The following KRT20 variants were observed in gnomAD, a reference collection of about 807,000 sequenced individuals.
KRT20 encodes keratin 20, also known as keratin, type I cytoskeletal 20.
In KRT20, 41 loss-of-function variants were observed where a neutral mutation model predicts 43.0. The ratio of observed to expected loss-of-function variants is 0.95; its 90% CI spans 0.74 to 1.24. The LOEUF (loss-of-function observed/expected upper bound fraction) is 1.24. Among genes scored for constraint, KRT20 ranks in the 50% most tolerant of loss-of-function variants. The pLI is 0.00. For missense variants in KRT20, 533 were observed against 521.2 expected (o/e 1.02, Z -0.22); for synonymous variants, 207 against 200.6 (o/e 1.03, Z -0.27).
At position 40,880,616 on chromosome 17, in the gene KRT20, C is replaced by T. The variant is rs1907553990; in HGVS notation, c.628G>A (p.Glu210Lys). The T allele has an allele frequency of 6.2e-7, 1 of 1,612,596 alleles. No homozygotes were observed. Among genetic ancestry groups the T allele is most frequent in the Non-Finnish European group, 8.5e-7 (1 of 1,179,396 alleles). Residue 210 changes from glutamate to lysine, a missense_variant and splice_region_variant, in exon 3 of 8, where the codon GAG becomes AAG. Transcript: ENST00000167588. The part of the protein sequence containing the change: ...DLALLKKEHQ[E>K]EVDGLHKHLG... The stretch of plus-strand genomic sequence containing the variant: ...ACCACTTCTGAATATTTTCTCACCT[C>T]CTGATGCTCCTTTTTGAGGAGAGCT...
chr17:40,878,208 A>G lies in KRT20; in HGVS notation c.1076T>C (p.Ile359Thr), dbSNP rs760113505. Residue 359 changes from isoleucine to threonine, a missense_variant, in exon 6 of 8, where the codon ATA (isoleucine) becomes ACA (threonine). Ile to Thr is a moderately conservative substitution (Grantham distance 89). Coordinates refer to ENST00000167588, the MANE Select transcript of KRT20 (RefSeq NM_019010.3). The stretch of plus-strand genomic sequence containing the variant: ...AATTTCCTGTTCAAGTCGAGTCTTT[A>G]TGTCAAGAAGGATATGGTATTCGTT... ...QNNEYHILLDIKTRLEQEIAT... is the reference protein window; with the variant it reads ...QNNEYHILLDTKTRLEQEIAT... 6.2e-7 allele frequency: 1 copy of G among 1,614,042 alleles called. No homozygotes were observed. The highest frequency in any genetic ancestry group is 1.1e-5 in the South Asian group (1 of 91,070).
Position 40,880,761 on chromosome 17 carries a change from A to G in KRT20, c.483T>C (p.Thr161=), listed in dbSNP as rs750189057. The G allele has an allele frequency of 3.4e-5, 52 of 1,543,722 alleles. 1 individual carries two copies. The highest frequency in any genetic ancestry group is 4.3e-5 in the Non-Finnish European group (49 of 1,146,728). ...AAEDFRLKYE[T]ERGIRLTVEA... Reference sequence around the variant, plus strand: ...CCACTGTTAGACGTATTCCTCTCTCAGTCTCATACCTGTGAATTAATTAGT... The same window carrying G: ...CCACTGTTAGACGTATTCCTCTCTCGGTCTCATACCTGTGAATTAATTAGT... Residue 161 remains threonine, a synonymous_variant, in exon 3 of 8, where the codon ACT becomes ACC. Coordinates refer to ENST00000167588, the MANE Select transcript of KRT20 (RefSeq NM_019010.3).
At chr17:40,877,009 C>G (rs2107215) in intron 7 of KRT20, among the ~76,000 whole-genome samples, 13,935 of 152,170 alleles carry the variant, frequency 0.092, 712 homozygotes, top group African/African-American at 0.11. Flanking sequence ...GCTCTTCTCT[C>G]ATGGATGGAT....
intron 2 of KRT20, among the ~76,000 whole-genome samples, chr17:40,881,669 T>C (rs1022348899): frequency 1.3e-5 from 2 of 152,230 alleles, no homozygotes; most frequent in African/African-American, 4.8e-5. Context: ...TTTGATTTCC[T>C]ATTTCCTTCT....
At position 40,880,221 on chromosome 17, in the gene KRT20, T is replaced by C. The variant is rs1907536741; in HGVS notation, c.671A>G (p.Asn224Ser). The C allele has an allele frequency of 6.2e-7, 1 of 1,613,520 alleles. No individual in the cohort carries two copies. Among genetic ancestry groups the C allele is most frequent in the African/African-American group, 1.3e-5 (1 of 74,878 alleles). Reference sequence around the variant, plus strand: ...GCCTGGAGCAGCATCAACCTCCACATTGACAGTGTTGCCCAGATGCTTGTG... The same window carrying C: ...GCCTGGAGCAGCATCAACCTCCACACTGACAGTGTTGCCCAGATGCTTGTG... ...GLHKHLGNTV[N>S]VEVDAAPGLN... Residue 224 changes from asparagine (N) to serine (S), a missense_variant, in exon 4 of 8, where the codon AAT (asparagine) becomes AGT (serine). Transcript: ENST00000167588.
Position 40,884,835 on chromosome 17 carries a change from G to T in KRT20, c.351C>A (p.Tyr117Ter), listed in dbSNP as rs1397780760. The change falls in exon 1 of 8, where the codon TAC becomes TAA. Residue 117 changes from tyrosine to a stop codon, truncating the protein, a stop_gained. Transcript: ENST00000167588. LOFTEE classifies it high-confidence loss of function. ...CTTCAATTTGTCTGTAATATGCACT[G>T]TAGTCGCGACCAGCCCTCGGGGCGT... ...ETNAPRAGRD[Y>*]SAYYRQIEEL... is the part of the protein sequence containing the mutation. 22 of 1,614,054 alleles carry T rather than the reference G, an allele frequency of 1.4e-5. No homozygotes were observed. Among genetic ancestry groups the T allele is most frequent in the Non-Finnish European group, 1.9e-5 (22 of 1,180,050 alleles).
At chr17:40,881,631 A>C (rs1907602591) in intron 2 of KRT20, among the ~76,000 whole-genome samples, 1 of 152,170 alleles carries the variant, frequency 6.6e-6, no homozygotes, top group Non-Finnish European at 1.5e-5. Context: ...ATTGGAAGTA[A>C]TGCACCTTTA....
In KRT20 at chr17:40,875,920, C is replaced by T. The variant is rs750916148; in HGVS notation, c.*441G>A. 5 of 153,108 alleles carry T rather than the reference C, an allele frequency of 3.3e-5. No homozygotes were observed. Among genetic ancestry groups the T allele is most frequent in the Non-Finnish European group, 7.3e-5 (5 of 68,684 alleles). The allele number at this position is 153,108 out of a possible 1,614,324, so 9.5% of individuals were successfully genotyped here. A position where few individuals can be genotyped will look rare whatever the true frequency, so the allele number is the denominator to read the frequency against. On this transcript the variant is annotated 3_prime_UTR_variant, in exon 8 of 8. Transcript: ENST00000167588. ...AATTGGCTCAATAAGAAACCAGGGA[C>T]TCCCAAAGGGGGTTTTACAATTCAG...
chr17:40,876,373 T>C lies in KRT20; in HGVS notation c.1263A>G (p.Glu421=). The change falls in exon 8 of 8, where the codon GAA becomes GAG. Residue 421 remains glutamate (E), a synonymous_variant. Transcript: ENST00000167588. ...KVVSSEVKEV[E]ENI The stretch of plus-strand genomic sequence containing the variant: ...TTCTGGTAGCTATTTAGATATTTTC[T>C]TCCACCTCTTTGACTTCAGATGACA... 6.2e-7 allele frequency: 1 copy of C among 1,607,942 alleles called. No individual in the cohort carries two copies. Among genetic ancestry groups the C allele is most frequent in the South Asian group, 1.1e-5 (1 of 90,942 alleles).
At chr17:40,880,372 A>C (rs1049950333) in intron 3 of KRT20, 111 bp from the exon 4 acceptor site, 9 of 1,053,234 alleles carry the variant, frequency 8.5e-6, no homozygotes, top group Non-Finnish European at 1.2e-5. Flanking sequence ...AATAAGTAAA[A>C]AAGATATAAA....
chr17:40,878,790 C>A (rs1332786061), intron 5 of KRT20, among the ~76,000 whole-genome samples: 1 of 145,390 alleles, frequency 6.9e-6, no homozygotes, highest in Non-Finnish European at 1.5e-5. Context: ...GTCAAACTGA[C>A]AAATGCCTTT....
At chr17:40,878,434 T>C (rs1025165460) in intron 5 of KRT20, 69 bp from the exon 6 acceptor site, 1 of 1,186,196 alleles carries the variant, frequency 8.4e-7, no homozygotes, top group African/African-American at 1.5e-5. Context: ...TTAATTTTAA[T>C]TTCCTTTGAG....
intron 3 of KRT20, 73 bp downstream of exon 3, chr17:40,880,541 C>G: frequency 7.5e-7 from 1 of 1,339,668 alleles, no homozygotes; most frequent in Non-Finnish European, 1.0e-6. Context: ...CCTGTTTCTC[C>G]CGCTCCTCCT....
At position 40,882,558 on chromosome 17, in the gene KRT20, A is replaced by G. The variant is rs753820643; in HGVS notation, c.473+14T>C. ...TCTTTTTCAGAAACTTTTGCCACGT[A>G]TTAGGGAACCTACTTCAGTCTGAAG... On this transcript the variant is annotated intron_variant, in intron 2 of 7. Transcript: ENST00000167588. The G allele has an allele frequency of 8.7e-6, 13 of 1,502,228 alleles. No individual in the cohort carries two copies. The East Asian group carries it at 1.7e-4, about 19-fold the overall frequency. 93.1% of individuals were successfully genotyped at this position (1,502,228 alleles called of 1,614,324 possible).
chr17:40,880,097 T>C lies in KRT20; in HGVS notation c.792+3A>G, dbSNP rs138816645. The C allele has an allele frequency of 4.5e-5, 73 of 1,611,468 alleles. No individual in the cohort carries two copies. In the African/African-American group the frequency reaches 9.2e-4, roughly 20 times the overall value. On this transcript the variant is annotated splice_donor_region_variant and intron_variant, in intron 4 of 7. Coordinates refer to ENST00000167588, the MANE Select transcript of KRT20 (RefSeq NM_019010.3). ...TGCTCACCCTTTAGAATTGTGTGGT[T>C]ACCTGTCTCTCAAACTGTTCTTTGG...
At position 40,876,257 on chromosome 17, in the gene KRT20, G is replaced by A; in HGVS notation, c.*104C>T. ...CCCCACCCCTTCTAATCACTGCAGAGTATTAATAGTGCTTTCTTATGGCTG... is the reference window on the plus strand; with the variant it reads ...CCCCACCCCTTCTAATCACTGCAGAATATTAATAGTGCTTTCTTATGGCTG... On this transcript the variant is annotated 3_prime_UTR_variant, in exon 8 of 8. Coordinates refer to ENST00000167588, the MANE Select transcript of KRT20 (RefSeq NM_019010.3). The A allele has an allele frequency of 1.3e-6, 1 of 757,564 alleles. No individual in the cohort carries two copies. Among genetic ancestry groups the A allele is most frequent in the Non-Finnish European group, 2.4e-6 (1 of 419,654 alleles). 46.9% of individuals were successfully genotyped at this position (757,564 alleles called of 1,614,324 possible).
intron 1 of KRT20, among the ~76,000 whole-genome samples, chr17:40,884,247 T>A (rs1298691425): frequency 1.3e-5 from 2 of 152,190 alleles, no homozygotes; most frequent in Middle Eastern, 3.2e-3. Flanking sequence ...GATGGTCATG[T>A]TATTAAACAG....
At position 40,885,067 on chromosome 17, in the gene KRT20, C is replaced by T. The variant is rs975282004; in HGVS notation, c.119G>A (p.Gly40Glu). 3 of 1,614,170 alleles carry T rather than the reference C, an allele frequency of 1.9e-6. No individual in the cohort carries two copies. The highest frequency in any genetic ancestry group is 1.7e-4 in the Middle Eastern group (1 of 6,060). The change falls in exon 1 of 8, where the codon GGA becomes GAA. Residue 40 changes from glycine (G) to glutamate (E), a missense_variant. Gly to Glu is a moderately conservative substitution (Grantham distance 98, BLOSUM62 -2). Coordinates refer to ENST00000167588, the MANE Select transcript of KRT20 (RefSeq NM_019010.3). ...GTTGGAGATGCGGATGCCCCGGCCT[C>T]CAGCACCCCCATAAACGCTGGGTGT... Reference protein sequence around the residue: ...GTTPSVYGGAGGRGIRISNSR... With the variant: ...GTTPSVYGGAEGRGIRISNSR...
chr17:40,876,894 G>A (rs143125193), intron 7 of KRT20, among the ~76,000 whole-genome samples: 10 of 152,244 alleles, frequency 6.6e-5, no homozygotes, highest in Non-Finnish European at 1.2e-4. Context: ...ATTGGCCTTT[G>A]CTATGGTTTG....
Sources: allele counts gnomAD v4.1 joint callset (sites outside exome capture counted in the v4.1 genomes callset), GRCh38; gene constraint gnomAD v4.1.1; transcripts MANE v1.5; gene names NCBI Gene and HGNC (gene_info 2026-07-23, HGNC 2026-07-21).